MAD1L1: variants seen among roughly 807,000 people sequenced by gnomAD.
The protein encoded by MAD1L1 is mitotic arrest deficient 1 like 1, also known as mitotic spindle assembly checkpoint protein MAD1.
MAD1L1 carries 95 observed loss-of-function variants against 96.9 expected under a neutral mutation model. That is an observed-to-expected ratio of 0.98 (90% confidence interval 0.83 to 1.16). The LOEUF (loss-of-function observed/expected upper bound fraction) is 1.16, where lower values mean the gene tolerates loss of function less well. Ranked by LOEUF, MAD1L1 falls within the 50% of genes most tolerant of loss-of-function variation. The probability of loss-of-function intolerance (pLI) is 0.00; values close to 1 mark genes in which losing one functional copy is unlikely to be tolerated. For missense variants in MAD1L1, 1,007 were observed against 954.4 expected (o/e 1.06, Z -0.73); for synonymous variants, 473 against 396.6 (o/e 1.19, Z -2.29).
At chr7:2,019,898 A>G (rs1584101202) in intron 12 of MAD1L1, among the ~76,000 whole-genome samples, 1 of 150,206 alleles carries the variant, frequency 6.7e-6, no homozygotes, top group African/African-American at 2.4e-5. Flanking sequence ...CTGCCCCTAA[A>G]CGAGGTTTTT....
At chr7:2,046,920 C>A (rs934620127) in intron 12 of MAD1L1, among the ~76,000 whole-genome samples, 1 of 152,230 alleles carries the variant, frequency 6.6e-6, no homozygotes, top group African/African-American at 2.4e-5. Flanking sequence ...CTGCACCACA[C>A]GCTGCGCACA....
intron 11 of MAD1L1, chr7:2,079,595 A>ACT (rs1785535160): frequency 6.4e-6 from 3 of 470,014 alleles, no homozygotes; most frequent in South Asian, 4.7e-5. Context: ...CACGGCAAAT[A>ACT]CTCTCATCTG....
At chr7:1,916,612 C>G (rs1418005889) in intron 17 of MAD1L1, among the ~76,000 whole-genome samples, 1 of 152,194 alleles carries the variant, frequency 6.6e-6, no homozygotes, top group Non-Finnish European at 1.5e-5. Flanking sequence ...CTACGCATAC[C>G]CTCCAGGCCC....
chr7:1,988,709 G>A (rs1473202009), intron 14 of MAD1L1, among the ~76,000 whole-genome samples: 9 of 152,228 alleles, frequency 5.9e-5, no homozygotes, highest in African/African-American at 1.2e-4. Context: ...GGGAAGGGCC[G>A]TGATCCCACG....
intron 18 of MAD1L1, among the ~76,000 whole-genome samples, chr7:1,840,348 G>C (rs1466291966): frequency 6.6e-6 from 1 of 152,212 alleles, no homozygotes; most frequent in Admixed American, 6.5e-5. Flanking sequence ...ACTGCAGTGC[G>C]CCCCGGGGTA....
chr7:2,037,645 G>A (rs377420373), intron 12 of MAD1L1, among the ~76,000 whole-genome samples: 1 of 152,118 alleles, frequency 6.6e-6, no homozygotes, highest in Non-Finnish European at 1.5e-5. Context: ...TGTGGTCTGT[G>A]ATCGGCGGTC....
chr7:2,202,638 C>A (rs1239836548), intron 10 of MAD1L1, among the ~76,000 whole-genome samples: 1 of 152,182 alleles, frequency 6.6e-6, no homozygotes, highest in Non-Finnish European at 1.5e-5. Context: ...CTCCCATGCC[C>A]CAAAGAAAAC....
At chr7:1,825,921 C>T (rs1184965082) in intron 18 of MAD1L1, among the ~76,000 whole-genome samples, 1 of 151,946 alleles carries the variant, frequency 6.6e-6, no homozygotes, top group Non-Finnish European at 1.5e-5. Flanking sequence ...TCGGCACAGT[C>T]CCAGCCCCAG....
chr7:1,978,186 C>T lies in MAD1L1; in HGVS notation c.1505+2267G>A, dbSNP rs186008166. Among the ~76,000 whole-genome samples the T allele has an allele frequency of 4.2e-3, 638 of 152,350 alleles. 5 individuals are homozygous for T. The highest frequency in any genetic ancestry group is 0.014 in the African/African-American group (598 of 41,582). ...GACACACATTGAAGCCTGTCTGGCA[C>T]GTCATCCAGCCTTGGCCTTGGTGAG... On this transcript the variant is annotated intron_variant, in intron 15 of 18. Coordinates refer to ENST00000265854, the MANE Select transcript of MAD1L1 (RefSeq NM_001013836.2).
chr7:1,852,481 T>C (rs1784029008), intron 18 of MAD1L1, among the ~76,000 whole-genome samples: 2 of 152,142 alleles, frequency 1.3e-5, no homozygotes, highest in Admixed American at 1.3e-4. Flanking sequence ...GATGGGGCAA[T>C]GCCCCGCTCC....
chr7:2,182,191 T>C (rs910829338), intron 10 of MAD1L1, among the ~76,000 whole-genome samples: 8 of 152,108 alleles, frequency 5.3e-5, no homozygotes, highest in African/African-American at 1.9e-4. Context: ...TCATAAAATG[T>C]AACTGGAAAT....
chr7:2,173,608 G>C (rs1790813908), intron 10 of MAD1L1, among the ~76,000 whole-genome samples: 1 of 152,138 alleles, frequency 6.6e-6, no homozygotes, highest in Non-Finnish European at 1.5e-5. Context: ...TCGTCTTTGG[G>C]GAGACTTTCT....
At chr7:2,002,164 A>C in intron 13 of MAD1L1, 43 bp from the exon 14 acceptor site, 1 of 1,595,038 alleles carries the variant, frequency 6.3e-7, no homozygotes, top group Non-Finnish European at 8.6e-7. Context: ...GTGGTGGGCC[A>C]GGCCCCATTT....
chr7:2,183,085 G>A (rs1791280816), intron 10 of MAD1L1, among the ~76,000 whole-genome samples: 1 of 151,910 alleles, frequency 6.6e-6, no homozygotes, highest in Non-Finnish European at 1.5e-5. Context: ...AGCCAGGTGT[G>A]GTGGCTCACA....
intron 17 of MAD1L1, among the ~76,000 whole-genome samples, chr7:1,919,730 C>A (rs1195489409): frequency 6.6e-6 from 1 of 152,230 alleles, no homozygotes; most frequent in African/African-American, 2.4e-5. Flanking sequence ...GAGAGCTGAA[C>A]CCAAGGTCAC....
At chr7:2,076,829 C>T (rs796871188) in intron 11 of MAD1L1, among the ~76,000 whole-genome samples, 3 of 150,756 alleles carry the variant, frequency 2.0e-5, no homozygotes, top group East Asian at 2.0e-4. Flanking sequence ...ACGATGAGCC[C>T]GCAGCACGGT....
chr7:2,061,013 C>G (rs1431814847), intron 12 of MAD1L1, among the ~76,000 whole-genome samples: 1 of 152,190 alleles, frequency 6.6e-6, no homozygotes, highest in Non-Finnish European at 1.5e-5. Flanking sequence ...GAGTAAAGAA[C>G]TACAACTCAG....
At chr7:2,089,692 C>T (rs2128544173) in intron 11 of MAD1L1, among the ~76,000 whole-genome samples, 1 of 151,326 alleles carries the variant, frequency 6.6e-6, no homozygotes, top group Middle Eastern at 3.4e-3. Context: ...CCATCACGTG[C>T]ATCGTGTTTA....
chr7:1,820,923 T>C (rs1195556148), intron 18 of MAD1L1, among the ~76,000 whole-genome samples: 1 of 151,574 alleles, frequency 6.6e-6, no homozygotes. Flanking sequence ...CTACTAAAAA[T>C]ACAAAAAATT....
Sources: allele counts gnomAD v4.1 joint callset (sites outside exome capture counted in the v4.1 genomes callset), GRCh38; gene constraint gnomAD v4.1.1; transcripts MANE v1.5; gene names NCBI Gene and HGNC (gene_info 2026-07-23, HGNC 2026-07-21).